Variants in CHD5 observed in about 807,000 individuals in gnomAD.
CHD5 encodes the protein ATP-dependent chromatin remodeler CHD5.
A neutral mutation model predicts 230.3 loss-of-function variants in CHD5; 69 were observed. The ratio of observed to expected loss-of-function variants is 0.30; its 90% CI spans 0.25 to 0.37. CHD5 has a LOEUF of 0.37. Ranked by LOEUF, CHD5 falls within the 10% of genes least tolerant of loss-of-function variation. CHD5 has a pLI of 1.00. For missense variants in CHD5, 1,827 were observed against 2,622.8 expected (o/e 0.70, Z 6.63); for synonymous variants, 1,064 against 1,065.9 (o/e 1.00, Z 0.03).
At chr1:6,138,485 G>C (rs1391997324) in intron 15 of CHD5, among the ~76,000 whole-genome samples, 1 of 152,130 alleles carries the variant, frequency 6.6e-6, no homozygotes, top group East Asian at 1.9e-4. Flanking sequence ...ATTTTGCACC[G>C]GTCTCCCCCA....
rs1177437661 is a variant in CHD5, at chr1:6,126,766, G to A, written c.3904-20C>T. 3.1e-6 allele frequency: 5 copies of A among 1,607,150 alleles called. No homozygotes were observed. Among genetic ancestry groups the A allele is most frequent in the Non-Finnish European group, 4.3e-6 (5 of 1,175,310 alleles). ...CTCCTCCTGGGGACGCAGCACCACGGGTTCCATGGGTGGAGCCATCTCTGC... is the reference window on the plus strand; with the variant it reads ...CTCCTCCTGGGGACGCAGCACCACGAGTTCCATGGGTGGAGCCATCTCTGC... On this transcript the variant is annotated intron_variant, in intron 25 of 41. Transcript: ENST00000262450. This position sits in a 1 kb window ranked among gnomAD's most constrained non-coding sequence, Gnocchi z 5.7.
intron 1 of CHD5, among the ~76,000 whole-genome samples, chr1:6,168,627 A>G (rs1667290148): frequency 6.6e-6 from 1 of 152,262 alleles, no homozygotes; most frequent in Non-Finnish European, 1.5e-5. Flanking sequence ...CATCTCTACC[A>G]GGAAGGAGTT....
At chr1:6,112,347 A>G in intron 34 of CHD5, 70 bp from the exon 35 acceptor site, 1 of 1,576,662 alleles carries the variant, frequency 6.3e-7, no homozygotes, top group Non-Finnish European at 8.6e-7. Context: ...TCTCTCTGCC[A>G]AGCACGGGGG....
chr1:6,128,720 G>A lies in CHD5; in HGVS notation c.3620-111C>T, dbSNP rs922202057. On this transcript the variant is annotated intron_variant, in intron 23 of 41. Transcript: ENST00000262450. The surrounding 1 kb of genome is among the most constrained non-coding windows in gnomAD (Gnocchi z 7.8). ...CTGTCCTAGCCAGGAGATACAGGTG[G>A]GGGGTGCAGAAGAGAGGCTGTGTGT... is the stretch of plus-strand genomic sequence containing the variant. 2.4e-6 allele frequency: 3 copies of A among 1,246,950 alleles called. No individual in the cohort carries two copies. The highest frequency in any genetic ancestry group is 3.5e-6 in the Non-Finnish European group (3 of 867,872). The allele number at this position is 1,246,950 out of a possible 1,614,324, so 77.2% of individuals were successfully genotyped here.
chr1:6,171,533 C>A (rs1202004592), intron 1 of CHD5, among the ~76,000 whole-genome samples: 2 of 152,190 alleles, frequency 1.3e-5, no homozygotes, highest in African/African-American at 2.4e-5. Flanking sequence ...CACACGCTCC[C>A]GTCTTCAGCC....
chr1:6,138,501 G>A (rs1384155705), intron 15 of CHD5, among the ~76,000 whole-genome samples: 1 of 152,218 alleles, frequency 6.6e-6, no homozygotes, highest in African/African-American at 2.4e-5. Context: ...CCCCAGTGAT[G>A]TAGGCCTGTC....
chr1:6,126,804 C>T lies in CHD5; in HGVS notation c.3904-58G>A, dbSNP rs571489270. The T allele has an allele frequency of 5.5e-5, 84 of 1,538,298 alleles. No homozygotes were observed. The East Asian group carries it at 1.8e-3, about 34-fold the overall frequency. On this transcript the variant is annotated intron_variant, in intron 25 of 41. Transcript: ENST00000262450. The surrounding 1 kb of genome is among the most constrained non-coding windows in gnomAD (Gnocchi z 5.7). ...GAGCCATCTCTGCCCTCCCGGAAGC[C>T]TCAGGCTGCCTCCACCTGACCTGCC... is the stretch of plus-strand genomic sequence containing the variant.
In CHD5 at chr1:6,113,148, G is replaced by A. The variant is rs907798931; in HGVS notation, c.4913-150C>T. 9 of 651,310 alleles carry A rather than the reference G, an allele frequency of 1.4e-5. No individual in the cohort carries two copies. The African/African-American group carries it at 1.6e-4, about 12-fold the overall frequency. The allele number at this position is 651,310 out of a possible 1,614,324, so 40.3% of individuals were successfully genotyped here. On this transcript the variant is annotated intron_variant, in intron 33 of 41. Coordinates refer to ENST00000262450, the MANE Select transcript of CHD5 (RefSeq NM_015557.3). The stretch of plus-strand genomic sequence containing the variant: ...CACCAAAAAGAGCTCTCCTCGGCCA[G>A]GTGCAGTGGCCCATGCTGTAATCCC...
rs1667068069 is a variant in CHD5 at position 6,155,572 on chromosome 1, G to A, written c.506+27C>T. ...GTACCACCAGAGGATGTGCGGGCCT[G>A]GAGAACAGCCCTAGTGCCCCGCCCA... is the stretch of plus-strand genomic sequence containing the variant. On this transcript the variant is annotated intron_variant, in intron 4 of 41. Coordinates refer to ENST00000262450, the MANE Select transcript of CHD5 (RefSeq NM_015557.3). This position sits in a 1 kb window ranked among gnomAD's most constrained non-coding sequence, Gnocchi z 4.0. 1.3e-6 allele frequency: 2 copies of A among 1,575,448 alleles called. No homozygotes were observed. Among genetic ancestry groups the A allele is most frequent in the African/African-American group, 2.7e-5 (2 of 74,160 alleles).
At position 6,124,253 on chromosome 1, in the gene CHD5, G is replaced by GC. The variant is rs1666517482; in HGVS notation, c.4540-147dup. ...CTCCGCCCAAGGCTGGCCAAGCCAGGCCCCTCCTGACCACAAGCTCCCCTG... is the reference window on the plus strand; with the variant it reads ...CTCCGCCCAAGGCTGGCCAAGCCAGGCCCCCTCCTGACCACAAGCTCCCCTG... On this transcript the variant is annotated intron_variant, in intron 30 of 41. Coordinates refer to ENST00000262450, the MANE Select transcript of CHD5 (RefSeq NM_015557.3). The GC allele has an allele frequency of 1.2e-5, 10 of 827,458 alleles. No homozygotes were observed. In the East Asian group the frequency reaches 2.7e-4, roughly 22 times the overall value. 51.3% of individuals were successfully genotyped at this position (827,458 alleles called of 1,614,324 possible).
chr1:6,154,679 G>A lies in CHD5; in HGVS notation c.726C>T (p.Ala242=). 1 of 1,578,408 alleles carries A rather than the reference G, an allele frequency of 6.3e-7. No homozygotes were observed. Among genetic ancestry groups the A allele is most frequent in the South Asian group, 1.2e-5 (1 of 85,790 alleles). The part of the protein sequence containing the change: ...QVPQPVPIRK[A]KTKEGKGPGV... The stretch of plus-strand genomic sequence containing the variant: ...CCTTACCTTTGCCCTCCTTGGTCTT[G>A]GCCTTGCGGATAGGCACAGGCTGGG... Residue 242 remains alanine (A), a synonymous_variant, in exon 5 of 42, where the codon GCC becomes GCT. Transcript: ENST00000262450. This position sits in a 1 kb window ranked among gnomAD's most constrained non-coding sequence, Gnocchi z 7.0.
At position 6,106,710 on chromosome 1, in the gene CHD5, G is replaced by A; in HGVS notation, c.5648C>T (p.Ser1883Phe). 1 of 1,612,008 alleles carries A rather than the reference G, an allele frequency of 6.2e-7. No homozygotes were observed. Among genetic ancestry groups the A allele is most frequent in the Non-Finnish European group, 8.5e-7 (1 of 1,179,782 alleles). ...CCGGGCGGCCACCGGGGGGATGCGG[G>A]ACAGCATGGATGGCAGCCGGGTCAC... ...ADVTRLPSML[S>F]RIPPVAARLQ... The change falls in exon 39 of 42, where the codon TCC becomes TTC. Residue 1883 changes from serine to phenylalanine, a missense_variant. This residue lies in a region of CHD5 where 208 missense variants were observed against 302.0 expected (regional missense o/e 0.69). Transcript: ENST00000262450.
chr1:6,163,925 AGAATCTTAGTGGATGTGGAGTCCCCACAT>A (rs1667214797), intron 2 of CHD5, among the ~76,000 whole-genome samples: 1 of 152,214 alleles, frequency 6.6e-6, no homozygotes, highest in Non-Finnish European at 1.5e-5. Flanking sequence ...AGCTAGCAGA[AGAATCTTAGTGGATGTGGAGTCCCCACAT>A]GAACTCCACC....
intron 33 of CHD5, among the ~76,000 whole-genome samples, chr1:6,116,979 G>C (rs757085670): frequency 4.6e-5 from 7 of 152,236 alleles, no homozygotes; most frequent in Admixed American, 1.3e-4. Context: ...AGATGAAAGG[G>C]AAGTGAGTTA....
chr1:6,161,126 G>C (rs1437087359), intron 2 of CHD5, among the ~76,000 whole-genome samples: 1 of 152,074 alleles, frequency 6.6e-6, no homozygotes, highest in Non-Finnish European at 1.5e-5. Flanking sequence ...GAAAGAGGGA[G>C]GGAGGGAGAA....
rs113015577 is a variant in CHD5, at chr1:6,121,622, G to A, written c.4700-49C>T. On this transcript the variant is annotated intron_variant, in intron 31 of 41. Transcript: ENST00000262450. The surrounding 1 kb of genome is among the most constrained non-coding windows in gnomAD (Gnocchi z 4.5). ...GAGACAGGTGGGCTCAGACGGGAAG[G>A]AGTAGGGCAGGGAGTGGGGTGGCAG... The A allele has an allele frequency of 9.8e-6, 14 of 1,431,084 alleles. No individual in the cohort carries two copies. Among genetic ancestry groups the A allele is most frequent in the South Asian group, 6.0e-5 (5 of 83,380 alleles). 88.6% of individuals were successfully genotyped at this position (1,431,084 alleles called of 1,614,324 possible).
At chr1:6,135,447 G>A (rs1224956128) in intron 17 of CHD5, 44 bp from the exon 18 acceptor site, 12 of 1,542,802 alleles carry the variant, frequency 7.8e-6, no homozygotes, top group Non-Finnish European at 1.1e-5. Context: ...AGAGGACCGG[G>A]GCAGGGGAGG....
intron 13 of CHD5, 106 bp downstream of exon 13, chr1:6,143,717 G>A: frequency 2.0e-6 from 2 of 1,007,948 alleles, no homozygotes; most frequent in South Asian, 2.8e-5. Context: ...AGCCATGAGG[G>A]CCCAAGGAAA....
At chr1:6,118,889 G>C (rs563904046) in intron 33 of CHD5, among the ~76,000 whole-genome samples, 10 of 151,794 alleles carry the variant, frequency 6.6e-5, no homozygotes, top group South Asian at 4.2e-4. Flanking sequence ...GTAGAGACAG[G>C]GTTTCACCAT....
Sources: gnomAD v4.1 joint callset for allele counts (sites outside exome capture counted in the v4.1 genomes callset) on GRCh38, gnomAD v4.1.1 for gene constraint, gnomAD v4.1.1 regional missense constraint, Gnocchi (gnomAD v3.1) non-coding constraint, MANE v1.5 for transcripts, NCBI Gene and HGNC (gene_info 2026-07-23, HGNC 2026-07-21) for gene names.